Variants in CEP104 observed in about 807,000 individuals in gnomAD.
CEP104 encodes centrosomal protein 104, also known as centrosomal protein of 104 kDa.
In CEP104, 84 loss-of-function variants were observed where a neutral mutation model predicts 113.3. The observed-to-expected ratio is 0.74, with a 90% CI of 0.62 to 0.89. The LOEUF (loss-of-function observed/expected upper bound fraction) is 0.89. Ranked by LOEUF, CEP104 falls within the 40% of genes least tolerant of loss-of-function variation. The pLI is 0.00. For missense variants in CEP104, 1,053 were observed against 1,156.6 expected (o/e 0.91, Z 1.30); for synonymous variants, 378 against 421.7 (o/e 0.90, Z 1.27).
intron 15 of CEP104, among the ~76,000 whole-genome samples, chr1:3,827,616 A>C (rs1230041721): frequency 6.6e-6 from 1 of 152,160 alleles, no homozygotes; most frequent in East Asian, 1.9e-4. Context: ...ATGTGAGAGC[A>C]CTCCATGCCA....
At chr1:3,839,949 T>C (rs1366608594) in intron 6 of CEP104, among the ~76,000 whole-genome samples, 173 bp from the exon 7 acceptor site, 1 of 152,070 alleles carries the variant, frequency 6.6e-6, no homozygotes, top group African/African-American at 2.4e-5. Flanking sequence ...GTCACAAAGC[T>C]CTTAATTGCA....
intron 11 of CEP104, among the ~76,000 whole-genome samples, 187 bp from the exon 12 acceptor site, chr1:3,834,222 T>C (rs1192833357): frequency 6.6e-6 from 1 of 152,216 alleles, no homozygotes. Flanking sequence ...GGACATATGC[T>C]CTTACTTCAC....
intron 11 of CEP104, 139 bp from the exon 12 acceptor site, chr1:3,834,174 T>C (rs1387874863): frequency 8.9e-6 from 6 of 672,456 alleles, no homozygotes; most frequent in Non-Finnish European, 1.5e-5. Flanking sequence ...AATTGCAAAC[T>C]GAAAACTGCT....
At chr1:3,827,761 C>T (rs755048680) in intron 15 of CEP104, among the ~76,000 whole-genome samples, 6 of 152,222 alleles carry the variant, frequency 3.9e-5, no homozygotes, top group Non-Finnish European at 7.3e-5. Flanking sequence ...CGCAGGTCTG[C>T]GCTGGCCTCG....
chr1:3,814,564 T>TAAA lies in CEP104; in HGVS notation c.*837_*838insTTT, dbSNP rs1232508886. The TAAA allele has an allele frequency of 3.9e-5, 6 of 152,178 alleles. No homozygotes were observed. Among genetic ancestry groups the TAAA allele is most frequent in the Non-Finnish European group, 8.8e-5 (6 of 68,034 alleles). 9.4% of individuals were successfully genotyped at this position (152,178 alleles called of 1,614,324 possible). A position where few individuals can be genotyped will look rare whatever the true frequency, so the allele number is the denominator to read the frequency against. On this transcript the variant is annotated 3_prime_UTR_variant, in exon 22 of 22. Transcript: ENST00000378230. ...GAACACAGGGTGATCAGGTGGAAAT[T>TAAA]CATTTAACAGTGACTTCCTCCACAT... is the stretch of plus-strand genomic sequence containing the variant.
At chr1:3,855,919 T>C in intron 1 of CEP104, 2 of 985,408 alleles carry the variant, frequency 2.0e-6, no homozygotes, top group Non-Finnish European at 2.4e-6. Context: ...GCCATCGACA[T>C]CCCGACAAAT....
chr1:3,845,140 G>A (rs548385790), intron 5 of CEP104, 149 bp downstream of exon 5: 21 of 806,828 alleles, frequency 2.6e-5, no homozygotes, highest in South Asian at 6.7e-5. Flanking sequence ...AGTTTCATAT[G>A]CTACAGCTCC....
chr1:3,845,362 G>C lies in CEP104; in HGVS notation c.427-11C>G, dbSNP rs1434661954. The C allele has an allele frequency of 6.4e-7, 1 of 1,569,608 alleles. No individual in the cohort carries two copies. The highest frequency in any genetic ancestry group is 8.7e-7 in the Non-Finnish European group (1 of 1,144,570). On this transcript the variant is annotated splice_polypyrimidine_tract_variant and intron_variant, in intron 4 of 21. Transcript: ENST00000378230. Reference sequence around the variant, plus strand: ...GGCAACCAAAGCAACCTAAGAAAGTGTTAAAATAACAGAATTAAATATACA... The same window carrying C: ...GGCAACCAAAGCAACCTAAGAAAGTCTTAAAATAACAGAATTAAATATACA...
intron 6 of CEP104, among the ~76,000 whole-genome samples, chr1:3,842,462 T>C (rs777645534): frequency 6.6e-6 from 1 of 152,220 alleles, no homozygotes; most frequent in African/African-American, 2.4e-5. Context: ...GTGACAGCTC[T>C]GGTCTGCACC....
In CEP104 at chr1:3,823,114, C is replaced by T. The variant is rs781307886; in HGVS notation, c.2571+60G>A. 21 of 1,503,246 alleles carry T rather than the reference C, an allele frequency of 1.4e-5. No homozygotes were observed. The highest frequency in any genetic ancestry group is 1.8e-5 in the Non-Finnish European group (19 of 1,081,426). 93.1% of individuals were successfully genotyped at this position (1,503,246 alleles called of 1,614,324 possible). Reference sequence around the variant, plus strand: ...CGCACTGACACCACCACTGTCACCACCACTGCCATCCACAGGTGTGTCACC... The same window carrying T: ...CGCACTGACACCACCACTGTCACCATCACTGCCATCCACAGGTGTGTCACC... On this transcript the variant is annotated intron_variant, in intron 20 of 21. Coordinates refer to ENST00000378230, the MANE Select transcript of CEP104 (RefSeq NM_014704.4). The surrounding 1 kb of genome is among the most constrained non-coding windows in gnomAD (Gnocchi z 4.1).
In CEP104 at chr1:3,834,924, C is replaced by T. The variant is rs781134558; in HGVS notation, c.1485+1G>A. 36 of 1,579,754 alleles carry T rather than the reference C, an allele frequency of 2.3e-5. No homozygotes were observed. Among genetic ancestry groups the T allele is most frequent in the African/African-American group, 2.1e-4 (16 of 74,460 alleles). The stretch of plus-strand genomic sequence containing the variant: ...AGCCAGCGCCAGCTGAGGGCACTCA[C>T]GGAGGTCACAATGTCCTTTATGGCT... On this transcript the variant is annotated splice_donor_variant, in intron 11 of 21. Transcript: ENST00000378230. LOFTEE classifies it high-confidence loss of function.
At chr1:3,852,805 C>T (rs1402256741) in intron 1 of CEP104, among the ~76,000 whole-genome samples, 2 of 152,270 alleles carry the variant, frequency 1.3e-5, no homozygotes, top group African/African-American at 2.4e-5. Context: ...CCCAATGCAA[C>T]GTGACTTCTA....
chr1:3,850,416 G>A (rs190717267), intron 2 of CEP104, among the ~76,000 whole-genome samples: 158 of 152,292 alleles, frequency 1.0e-3, no homozygotes, highest in African/African-American at 3.6e-3. Flanking sequence ...ATGCCCAGGG[G>A]CTACGGTTGG....
chr1:3,819,403 C>G lies in CEP104; in HGVS notation c.2572-3033G>C, dbSNP rs570436996. On this transcript the variant is annotated intron_variant, in intron 20 of 21. Transcript: ENST00000378230. The surrounding 1 kb of genome is among the most constrained non-coding windows in gnomAD (Gnocchi z 4.6). Reference sequence around the variant, plus strand: ...ACACGTGTGCAGATGGTTGCAGAACCCTGAATACATGAAAACCCACTATCT... The same window carrying G: ...ACACGTGTGCAGATGGTTGCAGAACGCTGAATACATGAAAACCCACTATCT... Among the ~76,000 whole-genome samples, 13 of 152,160 alleles carry G rather than the reference C, an allele frequency of 8.5e-5. No individual in the cohort carries two copies. In the South Asian group the frequency reaches 2.1e-3, roughly 24 times the overall value.
rs184967399 is a variant in CEP104 at position 3,823,061 on chromosome 1, C to T, written c.2571+113G>A. 19 of 963,888 alleles carry T rather than the reference C, an allele frequency of 2.0e-5. No homozygotes were observed. In the East Asian group the frequency reaches 3.4e-4, roughly 17 times the overall value. 59.7% of individuals were successfully genotyped at this position (963,888 alleles called of 1,614,324 possible). A position where few individuals can be genotyped will look rare whatever the true frequency, so the allele number is the denominator to read the frequency against. On this transcript the variant is annotated intron_variant, in intron 20 of 21. Coordinates refer to ENST00000378230, the MANE Select transcript of CEP104 (RefSeq NM_014704.4). The surrounding 1 kb of genome is among the most constrained non-coding windows in gnomAD (Gnocchi z 4.1). The stretch of plus-strand genomic sequence containing the variant: ...AGACGCTGTCCCCTCCCTGAACACT[C>T]ATGTACTGTACTCTGTGGCTATGGT...
intron 14 of CEP104, 191 bp from the exon 15 acceptor site, chr1:3,829,564 C>A (rs575419906): frequency 3.2e-5 from 21 of 653,202 alleles, no homozygotes; most frequent in Non-Finnish European, 4.7e-5. Context: ...TGTGTCCTCA[C>A]GGCTATCGTT....
chr1:3,846,775 C>T (rs1460212254), intron 4 of CEP104, among the ~76,000 whole-genome samples: 4 of 152,188 alleles, frequency 2.6e-5, no homozygotes, highest in Non-Finnish European at 2.9e-5. Context: ...TGGGTGCTCA[C>T]ATTCCTCTTG....
rs185449363 is a variant in CEP104 at position 3,840,591 on chromosome 1, G to A, written c.567-815C>T. Among the ~76,000 whole-genome samples, 524 of 152,004 alleles carry A rather than the reference G, an allele frequency of 3.4e-3. 4 individuals carry two copies. Among genetic ancestry groups the A allele is most frequent in the African/African-American group, 0.012 (501 of 41,418 alleles). On this transcript the variant is annotated intron_variant, in intron 6 of 21. Transcript: ENST00000378230. ...AGAGTTCTGTTGACCAGGCTGGAGTGCAGTGGCATGATCTTGGGCTCACTG... is the reference window on the plus strand; with the variant it reads ...AGAGTTCTGTTGACCAGGCTGGAGTACAGTGGCATGATCTTGGGCTCACTG...
chr1:3,828,112 G>C (rs1417891505), intron 15 of CEP104, among the ~76,000 whole-genome samples: 4 of 152,116 alleles, frequency 2.6e-5, no homozygotes, highest in Non-Finnish European at 5.9e-5. Flanking sequence ...TGCTGCTTCT[G>C]GAGCCACTGC....
Sources: gnomAD v4.1 joint callset for allele counts (sites outside exome capture counted in the v4.1 genomes callset) on GRCh38, gnomAD v4.1.1 for gene constraint, Gnocchi (gnomAD v3.1) non-coding constraint, MANE v1.5 for transcripts, NCBI Gene and HGNC (gene_info 2026-07-23, HGNC 2026-07-21) for gene names.